The following RBM47 variants were observed in gnomAD, a reference collection of about 807,000 sequenced individuals.
The protein encoded by RBM47 is RNA binding motif protein 47.
Under a neutral mutation model 47.1 loss-of-function variants are expected in RBM47, and 21 were observed. That is an observed-to-expected ratio of 0.45 (90% confidence interval 0.32 to 0.64). RBM47 has a LOEUF of 0.64. RBM47 is among the 30% of genes least tolerant of loss of function. The pLI, the probability that RBM47 is intolerant of heterozygous loss-of-function variation, is 0.05. For missense variants in RBM47, 708 were observed against 870.9 expected, an observed-to-expected ratio of 0.81 and a Z score of 2.35; for synonymous variants, 375 against 361.7, an observed-to-expected ratio of 1.04 and a Z score of -0.42.
intron 2 of RBM47, among the ~76,000 whole-genome samples, chr4:40,539,662 C>G (rs1728305120): frequency 7.6e-6 from 1 of 131,998 alleles, no homozygotes; most frequent in Non-Finnish European, 1.5e-5. Flanking sequence ...ATCACTTGAA[C>G]CTGAGAGGCA....
intron 2 of RBM47, among the ~76,000 whole-genome samples, chr4:40,487,795 A>T (rs892562727): frequency 1.6e-4 from 24 of 151,898 alleles, no homozygotes; most frequent in African/African-American, 5.6e-4. Context: ...CCAAAAAAAT[A>T]AATCTACTTG....
chr4:40,454,928 C>T (rs1333628371), intron 3 of RBM47, among the ~76,000 whole-genome samples: 2 of 151,998 alleles, frequency 1.3e-5, no homozygotes, highest in African/African-American at 2.4e-5. Flanking sequence ...TTGCTACTTA[C>T]TTACTTACAG....
At chr4:40,444,774 T>C (rs1025302701) in intron 3 of RBM47, among the ~76,000 whole-genome samples, 3 of 151,870 alleles carry the variant, frequency 2.0e-5, no homozygotes, top group Non-Finnish European at 2.9e-5. Flanking sequence ...AAGCGATTTA[T>C]CTGCCTCAGC....
At chr4:40,489,514 A>G (rs1721570244) in intron 2 of RBM47, among the ~76,000 whole-genome samples, 1 of 152,208 alleles carries the variant, frequency 6.6e-6, no homozygotes, top group South Asian at 2.1e-4. Flanking sequence ...TTCTAGAAAT[A>G]AAAAGGATAG....
chr4:40,558,664 C>T (rs775830937), intron 1 of RBM47, among the ~76,000 whole-genome samples: 1 of 151,818 alleles, frequency 6.6e-6, no homozygotes, highest in Non-Finnish European at 1.5e-5. Context: ...CCCATCTCTA[C>T]TAAAAATACA....
rs575227987 is a variant in RBM47, at chr4:40,432,325, G to T, written c.1542+326C>A. On this transcript the variant is annotated intron_variant, in intron 6 of 6. Transcript: ENST00000295971. ...TGTGAAATCACTCCCTGGACTTTGT[G>T]TGTCAGCTCTTTAACAATATGAGCT... Among the ~76,000 whole-genome samples the T allele has an allele frequency of 3.9e-5, 6 of 152,134 alleles. No individual in the cohort carries two copies. The South Asian group carries it at 6.2e-4, about 16-fold the overall frequency.
chr4:40,487,994 GATTA>G (rs1721345827), intron 2 of RBM47, among the ~76,000 whole-genome samples: 1 of 151,974 alleles, frequency 6.6e-6, no homozygotes, highest in Non-Finnish European at 1.5e-5. Context: ...TGATGAAAGG[GATTA>G]ATAAGAGTTA....
chr4:40,516,703 G>C (rs1458144416), intron 2 of RBM47, among the ~76,000 whole-genome samples: 1 of 152,238 alleles, frequency 6.6e-6, no homozygotes, highest in African/African-American at 2.4e-5. Context: ...AGCCATTGCT[G>C]ACAGGCCAGG....
At chr4:40,510,331 GCC>G (rs2154253146) in intron 2 of RBM47, among the ~76,000 whole-genome samples, 1 of 151,990 alleles carries the variant, frequency 6.6e-6, no homozygotes, top group East Asian at 1.9e-4. Context: ...ACCATTGTCT[GCC>G]TGCCTGTAAT....
intron 1 of RBM47, among the ~76,000 whole-genome samples, chr4:40,597,576 C>T (rs1415531902): frequency 6.6e-6 from 1 of 152,170 alleles, no homozygotes; most frequent in African/African-American, 2.4e-5. Flanking sequence ...AGAAAGACTC[C>T]ATCTCAAATA....
chr4:40,529,020 G>A (rs1014042030), intron 2 of RBM47, among the ~76,000 whole-genome samples: 6 of 152,008 alleles, frequency 3.9e-5, no homozygotes, highest in East Asian at 3.9e-4. Context: ...GGGCCATCTC[G>A]TATAACTCTG....
At chr4:40,553,586 T>TA (rs367931351) in intron 1 of RBM47, among the ~76,000 whole-genome samples, 7 of 152,260 alleles carry the variant, frequency 4.6e-5, no homozygotes, top group Non-Finnish European at 1.0e-4. Flanking sequence ...TGTGAGCCAC[T>TA]ACGCCCAGCC....
intron 1 of RBM47, among the ~76,000 whole-genome samples, chr4:40,569,493 T>C (rs1332001481): frequency 6.6e-6 from 1 of 150,464 alleles, no homozygotes; most frequent in Admixed American, 6.6e-5. Flanking sequence ...CACTGCAATC[T>C]CCGCCTCCCG....
chr4:40,538,429 C>A (rs1274112071), intron 2 of RBM47, among the ~76,000 whole-genome samples: 1 of 148,044 alleles, frequency 6.8e-6, no homozygotes, highest in Non-Finnish European at 1.5e-5. Flanking sequence ...CGGGTTCAAG[C>A]GATTCTCCTG....
At chr4:40,463,502 A>G (rs1010844673) in intron 3 of RBM47, among the ~76,000 whole-genome samples, 1 of 152,196 alleles carries the variant, frequency 6.6e-6, no homozygotes, top group Non-Finnish European at 1.5e-5. Flanking sequence ...CAGAAGTACC[A>G]CATGAGCCAG....
At chr4:40,592,869 C>G (rs538031162) in intron 1 of RBM47, among the ~76,000 whole-genome samples, 3 of 136,576 alleles carry the variant, frequency 2.2e-5, no homozygotes, top group Non-Finnish European at 3.0e-5. Flanking sequence ...ACTGAAATGG[C>G]ATCTGAACCT....
intron 3 of RBM47, among the ~76,000 whole-genome samples, chr4:40,445,753 A>T (rs1183773397): frequency 6.6e-6 from 1 of 152,246 alleles, no homozygotes; most frequent in East Asian, 1.9e-4. Flanking sequence ...ATATACCATC[A>T]GAATTTTGCT....
intron 1 of RBM47, among the ~76,000 whole-genome samples, chr4:40,627,433 C>A (rs532558684): frequency 6.6e-6 from 1 of 152,166 alleles, no homozygotes; most frequent in South Asian, 2.1e-4. Context: ...ACGCTTATAT[C>A]CACTCCCCTG....
rs1713131840 is a variant in RBM47 at position 40,438,729 on chromosome 4, G to A, written c.165C>T (p.Tyr55=). Residue 55 remains tyrosine, a synonymous_variant, in exon 4 of 7, where the codon TAC becomes TAT. Transcript: ENST00000295971. ...SMVQENGQRK[Y]GGPPPGWEGP... ...CCTCCCAGCCGGGCGGTGGGCCGCC[G>A]TACTTGCGCTGCCCGTTCTCTTGCA... The A allele has an allele frequency of 1.2e-6, 2 of 1,605,068 alleles. No homozygotes were observed. The highest frequency in any genetic ancestry group is 1.3e-5 in the African/African-American group (1 of 74,944).
Sources: gnomAD v4.1 joint callset for allele counts (sites outside exome capture counted in the v4.1 genomes callset) on GRCh38, gnomAD v4.1.1 for gene constraint, MANE v1.5 for transcripts, NCBI Gene and HGNC (gene_info 2026-07-23, HGNC 2026-07-21) for gene names.